The following FFAR4 variants were observed in gnomAD, a reference collection of about 807,000 sequenced individuals.
The protein encoded by FFAR4 is G-protein coupled receptor 120.
FFAR4 carries 19 observed loss-of-function variants against 27.0 expected under a neutral mutation model. The observed-to-expected ratio is 0.70, with a 90% CI of 0.49 to 1.03. The LOEUF is 1.03. Among genes scored for constraint, FFAR4 ranks in the 50% least tolerant of loss-of-function variants. FFAR4 has a pLI of 0.00. For missense variants in FFAR4, 476 were observed against 479.0 expected, an observed-to-expected ratio of 0.99 and a Z score of 0.06; for synonymous variants, 254 against 215.6, an observed-to-expected ratio of 1.18 and a Z score of -1.56.
intron 1 of FFAR4, among the ~76,000 whole-genome samples, chr10:93,568,412 G>A (rs919963086): frequency 1.3e-5 from 2 of 152,174 alleles, no homozygotes; most frequent in African/African-American, 4.8e-5. Flanking sequence ...TTTCCGGCCT[G>A]GAACCCCCTA....
At chr10:93,586,563 T>A (rs1564785908) in intron 2 of FFAR4, among the ~76,000 whole-genome samples, 2 of 152,192 alleles carry the variant, frequency 1.3e-5, no homozygotes, top group African/African-American at 4.8e-5. Flanking sequence ...AGGGGCTAGA[T>A]AAATTGCAAC....
chr10:93,567,797 G>A (rs980276169), intron 1 of FFAR4, among the ~76,000 whole-genome samples: 2 of 152,156 alleles, frequency 1.3e-5, no homozygotes, highest in African/African-American at 4.8e-5. Flanking sequence ...GTCCAGGGTT[G>A]GGTTATGGTC....
In FFAR4 at chr10:93,587,811, T is replaced by A. The variant is rs955266135; in HGVS notation, c.*202T>A. The A allele has an allele frequency of 9.1e-6, 5 of 546,626 alleles. No individual in the cohort carries two copies. Among genetic ancestry groups the A allele is most frequent in the African/African-American group, 3.8e-5 (2 of 52,512 alleles). The allele number at this position is 546,626 out of a possible 1,614,324, so 33.9% of individuals were successfully genotyped here. A position where few individuals can be genotyped will look rare whatever the true frequency, so the allele number is the denominator to read the frequency against. On this transcript the variant is annotated 3_prime_UTR_variant, in exon 3 of 3. Coordinates refer to ENST00000371481, the MANE Select transcript of FFAR4 (RefSeq NM_001195755.2). ...TTTATAAAAGGATTTGTTGGCCAGGTGCAGTGGTTCATGCCTGTAATCCCA... is the reference window on the plus strand; with the variant it reads ...TTTATAAAAGGATTTGTTGGCCAGGAGCAGTGGTTCATGCCTGTAATCCCA...
Position 93,566,727 on chromosome 10 carries a change from C to G in FFAR4, c.7C>G (p.Pro3Ala). Reference sequence around the variant, plus strand: ...GGGCCGCCAGGCGCCGGGAATGTCCCCTGAATGCGCGCGGGCAGCGGGCGA... The same window carrying G: ...GGGCCGCCAGGCGCCGGGAATGTCCGCTGAATGCGCGCGGGCAGCGGGCGA... MS[P>A]ECARAAGDAP... The change falls in exon 1 of 3, where the codon CCT becomes GCT. Residue 3 changes from proline to alanine, a missense_variant. Transcript: ENST00000371481. The G allele has an allele frequency of 3.1e-6, 5 of 1,592,028 alleles. No homozygotes were observed. The highest frequency in any genetic ancestry group is 4.3e-6 in the Non-Finnish European group (5 of 1,173,190).
chr10:93,578,771 C>T (rs1203910183), intron 2 of FFAR4, among the ~76,000 whole-genome samples: 6 of 152,226 alleles, frequency 3.9e-5, no homozygotes, highest in African/African-American at 1.4e-4. Context: ...GGAAAAGGTG[C>T]TGCTAAGATT....
At chr10:93,575,325 A>G (rs1212553800) in intron 1 of FFAR4, among the ~76,000 whole-genome samples, 1 of 152,218 alleles carries the variant, frequency 6.6e-6, no homozygotes, top group Non-Finnish European at 1.5e-5. Flanking sequence ...CTATTTATTC[A>G]TTGGATGAAA....
Position 93,587,571 on chromosome 10 carries a change from T to C in FFAR4, c.1048T>C (p.Ser350Pro), listed in dbSNP as rs1183794156. 2 of 1,613,906 alleles carry C rather than the reference T, an allele frequency of 1.2e-6. No homozygotes were observed. Among genetic ancestry groups the C allele is most frequent in the Non-Finnish European group, 8.5e-7 (1 of 1,179,998 alleles). Residue 350 changes from serine (S) to proline (P), a missense_variant, in exon 3 of 3, where the codon TCT (serine) becomes CCT (proline). By Grantham distance (74) the Ser-to-Pro change is moderately conservative. Transcript: ENST00000371481. ...PEKGAILTDTSVKRNDLSIIS... is the reference protein window; with the variant it reads ...PEKGAILTDTPVKRNDLSIIS... The stretch of plus-strand genomic sequence containing the variant: ...AAAGGGAGCCATTTTAACAGACACA[T>C]CTGTCAAAAGAAATGACTTGTCGAT...
chr10:93,568,610 C>T (rs1000475310), intron 1 of FFAR4, among the ~76,000 whole-genome samples: 1 of 152,144 alleles, frequency 6.6e-6, no homozygotes, highest in Admixed American at 6.5e-5. Context: ...GGGACACCCC[C>T]TGACTGTGTG....
chr10:93,579,280 A>G, intron 2 of FFAR4: 1 of 1,309,288 alleles, frequency 7.6e-7, no homozygotes, highest in African/African-American at 1.4e-5. Flanking sequence ...CCTCACCTTA[A>G]GGCCCTGTGT....
intron 1 of FFAR4, among the ~76,000 whole-genome samples, chr10:93,575,579 C>T (rs1204948429): frequency 1.3e-5 from 2 of 152,224 alleles, no homozygotes; most frequent in East Asian, 3.8e-4. Context: ...CACCTGAGCA[C>T]CCCCAGCATG....
intron 2 of FFAR4, among the ~76,000 whole-genome samples, chr10:93,586,263 AG>A (rs1241654760): frequency 6.6e-6 from 1 of 152,142 alleles, no homozygotes; most frequent in Non-Finnish European, 1.5e-5. Flanking sequence ...TGGTTTTATA[AG>A]GGTCTCCCCC....
intron 1 of FFAR4, among the ~76,000 whole-genome samples, chr10:93,573,302 A>G (rs1280189336): frequency 1.3e-5 from 2 of 152,100 alleles, no homozygotes; most frequent in African/African-American, 4.8e-5. Flanking sequence ...TGCTTCTGTA[A>G]CTCAGTAACA....
chr10:93,582,392 C>T (rs957356954), intron 2 of FFAR4, among the ~76,000 whole-genome samples: 2 of 151,800 alleles, frequency 1.3e-5, no homozygotes, highest in Non-Finnish European at 2.9e-5. Context: ...TAAAAATTCA[C>T]AATTAGCCAG....
At chr10:93,570,994 G>A (rs1226461363) in intron 1 of FFAR4, among the ~76,000 whole-genome samples, 2 of 152,100 alleles carry the variant, frequency 1.3e-5, no homozygotes, top group East Asian at 3.9e-4. Context: ...GCCAACACCT[G>A]GCACATACAC....
chr10:93,567,033 C>T lies in FFAR4; in HGVS notation c.313C>T (p.Leu105=). 1 of 1,611,670 alleles carries T rather than the reference C, an allele frequency of 6.2e-7. No individual in the cohort carries two copies. Residue 105 remains leucine (L), a synonymous_variant, in exon 1 of 3, where the codon CTG becomes TTG. Coordinates refer to ENST00000371481, the MANE Select transcript of FFAR4 (RefSeq NM_001195755.2). ...VLAVRWTEAW[L]LGPVACHLLF... is the part of the protein sequence containing the mutation. The stretch of plus-strand genomic sequence containing the variant: ...GGCCGTGCGCTGGACTGAGGCCTGG[C>T]TGCTGGGCCCCGTTGCCTGCCACCT...
intron 2 of FFAR4, among the ~76,000 whole-genome samples, chr10:93,581,603 G>A (rs2058197813): frequency 6.6e-6 from 1 of 152,132 alleles, no homozygotes; most frequent in African/African-American, 2.4e-5. Flanking sequence ...TGGGTGTGGA[G>A]GCAGTGAGTC....
chr10:93,584,713 GT>G (rs113905155), intron 2 of FFAR4, among the ~76,000 whole-genome samples: 58 of 146,556 alleles, frequency 4.0e-4, no homozygotes, highest in African/African-American at 1.2e-3. Flanking sequence ...ACAAGTTTTT[GT>G]TTTTTTTTTT....
At chr10:93,585,521 A>G (rs928338628) in intron 2 of FFAR4, among the ~76,000 whole-genome samples, 2 of 152,162 alleles carry the variant, frequency 1.3e-5, no homozygotes, top group Non-Finnish European at 2.9e-5. Context: ...TACAATGTCA[A>G]TCTCATAGTC....
intron 2 of FFAR4, among the ~76,000 whole-genome samples, chr10:93,585,947 C>T (rs1564785776): frequency 6.6e-6 from 1 of 152,200 alleles, no homozygotes; most frequent in Non-Finnish European, 1.5e-5. Flanking sequence ...GGCCTGTAGG[C>T]AAGACTAGGA....
Sources: gnomAD v4.1 joint callset for allele counts (sites outside exome capture counted in the v4.1 genomes callset) on GRCh38, gnomAD v4.1.1 for gene constraint, MANE v1.5 for transcripts, NCBI Gene and HGNC (gene_info 2026-07-23, HGNC 2026-07-21) for gene names.